EFHC2: variants seen among roughly 807,000 people sequenced by gnomAD.
EFHC2 encodes the protein EF-hand domain-containing family member C2.
A neutral mutation model predicts 52.7 loss-of-function variants in EFHC2; 18 were observed. That is an observed-to-expected ratio of 0.34 (90% CI 0.24 to 0.51). The LOEUF (loss-of-function observed/expected upper bound fraction) is 0.51. Ranked by LOEUF, EFHC2 falls within the 20% of genes least tolerant of loss-of-function variation. EFHC2 has a pLI of 0.97. For synonymous variants in EFHC2, 203 were observed against 204.1 expected (o/e 0.99, Z 0.04); for missense variants, 513 against 562.5 (o/e 0.91, Z 0.89).
chrX:44,317,085 G>A (rs147764882), intron 1 of EFHC2, among the ~76,000 whole-genome samples: 177 of 112,286 alleles, frequency 1.6e-3, no homozygotes, highest in African/African-American at 5.7e-3. Flanking sequence ...AAGGGTCCGG[G>A]GAAGAAGAGA....
At chrX:44,205,655 C>T (rs189393298) in intron 11 of EFHC2, among the ~76,000 whole-genome samples, 46 of 111,211 alleles carry the variant, frequency 4.1e-4, no homozygotes, top group East Asian at 4.0e-3. Context: ...AATGATGAGG[C>T]GTTCAATTCA....
At chrX:44,304,226 C>T (rs1332620281) in intron 2 of EFHC2, among the ~76,000 whole-genome samples, 2 of 112,113 alleles carry the variant, frequency 1.8e-5, no homozygotes, top group Non-Finnish European at 3.8e-5. Context: ...GATCCAGGGT[C>T]TGGGCTCAGT....
At chrX:44,253,546 G>C (rs1370507168) in intron 4 of EFHC2, among the ~76,000 whole-genome samples, 2 of 111,711 alleles carry the variant, frequency 1.8e-5, no homozygotes, top group African/African-American at 3.3e-5. Context: ...GCTCAGCAAT[G>C]ATTTTGTAGC....
intron 2 of EFHC2, among the ~76,000 whole-genome samples, chrX:44,283,304 T>A (rs1307044924): frequency 9.0e-6 from 1 of 111,273 alleles, no homozygotes; most frequent in African/African-American, 3.3e-5. Flanking sequence ...TGGCTCAGCC[T>A]CCCGAGTAGC....
intron 1 of EFHC2, among the ~76,000 whole-genome samples, chrX:44,316,451 T>A (rs2037983491): frequency 8.9e-6 from 1 of 111,750 alleles, no homozygotes. Context: ...TGGCAATGGG[T>A]TTCATACATG....
chrX:44,206,179 A>G (rs2037047098), intron 11 of EFHC2, among the ~76,000 whole-genome samples: 1 of 111,897 alleles, frequency 8.9e-6, no homozygotes, highest in South Asian at 3.7e-4. Context: ...ATGAAAACAG[A>G]GACACAACAT....
chrX:44,181,471 A>G (rs947056875), intron 11 of EFHC2, among the ~76,000 whole-genome samples: 2 of 112,026 alleles, frequency 1.8e-5, no homozygotes, highest in Non-Finnish European at 3.8e-5. Context: ...GAAACTTTCC[A>G]TACACCTTTC....
At chrX:44,195,104 G>A (rs1009393258) in intron 11 of EFHC2, among the ~76,000 whole-genome samples, 10 of 111,714 alleles carry the variant, frequency 9.0e-5, no homozygotes, top group African/African-American at 2.6e-4. Context: ...CTTTGCTGTC[G>A]CACTCTCTAA....
chrX:44,326,753 G>C (rs1156899834), intron 1 of EFHC2, among the ~76,000 whole-genome samples: 1 of 85,700 alleles, frequency 1.2e-5, no homozygotes, highest in Non-Finnish European at 2.2e-5. Context: ...TTTTGAGACA[G>C]GGCCTCACTC....
intron 11 of EFHC2, among the ~76,000 whole-genome samples, chrX:44,213,286 A>G (rs1456260012): frequency 3.6e-5 from 4 of 111,287 alleles, no homozygotes; most frequent in Admixed American, 9.6e-5. Flanking sequence ...AAACTCAAAA[A>G]GAAATGCTAG....
At chrX:44,289,525 G>C (rs1422449218) in intron 2 of EFHC2, among the ~76,000 whole-genome samples, 3 of 110,421 alleles carry the variant, frequency 2.7e-5, no homozygotes, top group Non-Finnish European at 5.7e-5. Flanking sequence ...TTGCCTTTGA[G>C]GGTTAAATTA....
At chrX:44,281,210 G>T (rs186208199) in intron 2 of EFHC2, among the ~76,000 whole-genome samples, 2 of 112,513 alleles carry the variant, frequency 1.8e-5, no homozygotes, top group East Asian at 2.8e-4. Flanking sequence ...GTGAGCCACC[G>T]GGCCTGGCCT....
chrX:44,237,937 A>C (rs2037332543), intron 8 of EFHC2, among the ~76,000 whole-genome samples: 1 of 111,440 alleles, frequency 9.0e-6, no homozygotes, highest in African/African-American at 3.3e-5. Flanking sequence ...TCAAGGCTTT[A>C]ATACAATTTG....
At chrX:44,318,569 C>A (rs978552668) in intron 1 of EFHC2, among the ~76,000 whole-genome samples, 1 of 112,133 alleles carries the variant, frequency 8.9e-6, no homozygotes, top group East Asian at 2.8e-4. Context: ...AAAACCCCAG[C>A]CAGCATGAGA....
chrX:44,231,504 C>G, intron 10 of EFHC2, among the ~76,000 whole-genome samples: 1 of 109,605 alleles, frequency 9.1e-6, no homozygotes, highest in East Asian at 2.9e-4. Context: ...ACCTGCCTCC[C>G]GGTCTGAAGG....
chrX:44,184,235 T>C (rs1355277720), intron 11 of EFHC2, among the ~76,000 whole-genome samples: 1 of 111,332 alleles, frequency 9.0e-6, no homozygotes, highest in Non-Finnish European at 1.9e-5. Flanking sequence ...TTCCCATCTT[T>C]CCCTCTACAC....
chrX:44,160,456 T>C (rs765745350), intron 14 of EFHC2, among the ~76,000 whole-genome samples: 1 of 111,847 alleles, frequency 8.9e-6, no homozygotes, highest in East Asian at 2.8e-4. Flanking sequence ...ATTATATATC[T>C]GCATACTGTG....
chrX:44,213,766 C>T (rs933419036), intron 11 of EFHC2, among the ~76,000 whole-genome samples: 1 of 111,449 alleles, frequency 9.0e-6, no homozygotes, highest in African/African-American at 3.3e-5. Context: ...TATGTTCTAT[C>T]AGTAATTCCA....
Position 44,309,989 on chromosome X carries a change from G to A in EFHC2, c.231+2579C>T. ...GTATGTTTTCCATGGCAATTTGGAA[G>A]CCATAGAAACAGCGGGCTTCTGTAA... On this transcript the variant is annotated intron_variant, in intron 2 of 14. Coordinates refer to ENST00000420999, the MANE Select transcript of EFHC2 (RefSeq NM_025184.4). 3.0e-6 allele frequency: 3 copies of A among 998,209 alleles called. No homozygotes were observed. In the Admixed American group the frequency reaches 6.6e-5, roughly 22 times the overall value. The allele number at this position is 998,209 out of a possible 1,213,427, so 82.3% of individuals were successfully genotyped here.
Sources: gnomAD v4.1 joint callset for allele counts (sites outside exome capture counted in the v4.1 genomes callset) on GRCh38, gnomAD v4.1.1 for gene constraint, MANE v1.5 for transcripts, NCBI Gene and HGNC (gene_info 2026-07-23, HGNC 2026-07-21) for gene names.